The following AGRP variants were observed in gnomAD, a reference collection of about 807,000 sequenced individuals.
AGRP encodes agouti related neuropeptide.
AGRP carries 8 observed loss-of-function variants against 13.6 expected under a neutral mutation model. The observed-to-expected ratio is 0.59, with a 90% CI of 0.35 to 1.06. AGRP has a LOEUF of 1.06. AGRP is among the 50% of genes least tolerant of loss of function. AGRP has a pLI of 0.02. For missense variants in AGRP, 155 were observed against 174.8 expected (o/e 0.89, Z 0.64); for synonymous variants, 63 against 72.4 (o/e 0.87, Z 0.66).
Position 67,483,130 on chromosome 16 carries a change from G to A in AGRP, c.131-20C>T, listed in dbSNP as rs571830791. On this transcript the variant is annotated intron_variant, in intron 2 of 3. Transcript: ENST00000290953. ...CCAGGCCTGGGGCAGAGGATGTGAG[G>A]GCAGGAACCCCCATGCACAAAGCAC... 1 of 1,613,102 alleles carries A rather than the reference G, an allele frequency of 6.2e-7. No homozygotes were observed. The highest frequency in any genetic ancestry group is 2.2e-5 in the East Asian group (1 of 44,892).
In AGRP at chr16:67,482,574, G is replaced by T; in HGVS notation, c.*62C>A. The T allele has an allele frequency of 6.3e-7, 1 of 1,583,782 alleles. No individual in the cohort carries two copies. Among genetic ancestry groups the T allele is most frequent in the Non-Finnish European group, 8.7e-7 (1 of 1,153,994 alleles). On this transcript the variant is annotated 3_prime_UTR_variant, in exon 4 of 4. Transcript: ENST00000290953. ...TTGAAATAACCACAGCCTTGGGGTT[G>T]GTCCCATCCTTTATTCGAGTTTCCT...
At position 67,483,340 on chromosome 16, in the gene AGRP, C is replaced by T. The variant is rs1306915233; in HGVS notation, c.59G>A (p.Gly20Glu). Residue 20 changes from glycine (G) to glutamate (E), a missense_variant, in exon 2 of 4, where the codon GGA (glycine) becomes GAA (glutamate). Transcript: ENST00000290953. ...CATGGGGGCCAAGCCCATCTGGGCT[C>T]CTCGCGTGGCAGGCAGTGCCAGCAG... ...ALLLALPATR[G>E]AQMGLAPMEG... 1.3e-6 allele frequency: 2 copies of T among 1,558,172 alleles called. No homozygotes were observed. Among genetic ancestry groups the T allele is most frequent in the African/African-American group, 2.7e-5 (2 of 72,966 alleles).
chr16:67,483,494 C>T, intron 1 of AGRP, 23 bp downstream of exon 1: 1 of 1,344,644 alleles, frequency 7.4e-7, no homozygotes. Context: ...GAGGAGGAGT[C>T]CCTGCCCAAC....
At chr16:67,483,221 C>A (rs756598637) in intron 2 of AGRP, 48 bp downstream of exon 2, 4 of 1,590,986 alleles carry the variant, frequency 2.5e-6, no homozygotes, top group Non-Finnish European at 1.7e-6. Flanking sequence ...CTATTTGTGG[C>A]CAGAGGGTAT....
In AGRP at chr16:67,482,818, C is replaced by G. The variant is rs1256992616; in HGVS notation, c.217G>C (p.Val73Leu). The G allele has an allele frequency of 6.2e-7, 1 of 1,613,972 alleles. No individual in the cohort carries two copies. Among genetic ancestry groups the G allele is most frequent in the South Asian group, 1.1e-5 (1 of 91,078 alleles). Residue 73 changes from valine (V) to leucine (L), a missense_variant and splice_region_variant, in exon 4 of 4, where the codon GTA becomes CTA. Coordinates refer to ENST00000290953, the MANE Select transcript of AGRP (RefSeq NM_001138.2). Reference sequence around the variant, plus strand: ...GGCTCGCGGTCCTGCAGGTCTAGTACCTGCAGGGGTGGGGAACCAGCACAG... The same window carrying G: ...GGCTCGCGGTCCTGCAGGTCTAGTAGCTGCAGGGGTGGGGAACCAGCACAG... ...LLQEAQALAE[V>L]LDLQDREPRS...
chr16:67,483,515 A>C lies in AGRP; in HGVS notation c.-4+2T>G. The C allele has an allele frequency of 3.3e-6, 4 of 1,203,748 alleles. No individual in the cohort carries two copies. Among genetic ancestry groups the C allele is most frequent in the Non-Finnish European group, 4.4e-6 (4 of 912,454 alleles). 74.6% of individuals were successfully genotyped at this position (1,203,748 alleles called of 1,614,324 possible). A position where few individuals can be genotyped will look rare whatever the true frequency, so the allele number is the denominator to read the frequency against. On this transcript the variant is annotated splice_donor_variant, in intron 1 of 3. Coordinates refer to ENST00000290953, the MANE Select transcript of AGRP (RefSeq NM_001138.2). LOFTEE classifies it low-confidence loss of function (5UTR_SPLICE). ...GAGTCCCTGCCCAACCTGAGGACTC[A>C]CCTCTGCCTCCGGGATTCTTGCCTA... is the stretch of plus-strand genomic sequence containing the variant.
Position 67,483,301 on chromosome 16 carries a change from C to T in AGRP, c.98G>A (p.Arg33Lys). ...CTCTGGGAGCAGGGCCTGGTCAGGC[C>T]TTCTGATGCCCTCCATGGGGGCCAA... ...MGLAPMEGIR[R>K]PDQALLPELP... Residue 33 changes from arginine to lysine, a missense_variant, in exon 2 of 4, where the codon AGG becomes AAG. Arg to Lys is a conservative substitution (Grantham distance 26). Coordinates refer to ENST00000290953, the MANE Select transcript of AGRP (RefSeq NM_001138.2). 6.3e-7 allele frequency: 1 copy of T among 1,588,218 alleles called. No homozygotes were observed. The highest frequency in any genetic ancestry group is 8.6e-7 in the Non-Finnish European group (1 of 1,168,406).
intron 2 of AGRP, 75 bp downstream of exon 2, chr16:67,483,194 G>T (rs945898569): frequency 6.2e-7 from 1 of 1,607,980 alleles, no homozygotes; most frequent in Non-Finnish European, 8.5e-7. Context: ...GAGAAAGAGG[G>T]TTTATGCCAG....
In AGRP at chr16:67,482,678, G is replaced by T; in HGVS notation, c.357C>A (p.Cys119Ter). 1.2e-6 allele frequency: 2 copies of T among 1,614,080 alleles called. No homozygotes were observed. The highest frequency in any genetic ancestry group is 4.5e-5 in the East Asian group (2 of 44,902). ...YCRFFNAFCY[C>*]RKLGTAMNPC... ...GATTCATGGCAGTACCCAGCTTGCG[G>T]CAGTAGCAGAAGGCATTGAAGAAGC... Residue 119 changes from cysteine (C) to a stop codon, truncating the protein, a stop_gained, in exon 4 of 4, where the codon TGC becomes TGA. Coordinates refer to ENST00000290953, the MANE Select transcript of AGRP (RefSeq NM_001138.2). LOFTEE classifies it high-confidence loss of function.
rs1273458471 is a variant in AGRP, at chr16:67,482,638, A to G, written c.397T>C (p.Ter133GlnextTer17). 1.2e-6 allele frequency: 2 copies of G among 1,614,140 alleles called. No homozygotes were observed. The highest frequency in any genetic ancestry group is 2.2e-5 in the East Asian group (1 of 44,888). ...GTAMNPCSRT[*>Q] The stretch of plus-strand genomic sequence containing the variant: ...GCCCCGACCCTGACGTTGGCCAGCT[A>G]GGTGCGGCTGCAGGGATTCATGGCA... Residue 133 changes from the stop codon to glutamine (Q), a stop_lost, in exon 4 of 4, where the codon TAG becomes CAG. Coordinates refer to ENST00000290953, the MANE Select transcript of AGRP (RefSeq NM_001138.2).
chr16:67,482,798 G>A lies in AGRP; in HGVS notation c.237C>T (p.Arg79=), dbSNP rs145247710. 689 of 1,613,978 alleles carry A rather than the reference G, an allele frequency of 4.3e-4. No homozygotes were observed. Among genetic ancestry groups the A allele is most frequent in the Non-Finnish European group, 5.7e-4 (670 of 1,180,022 alleles). The change falls in exon 4 of 4, where the codon CGC becomes CGT. Residue 79 remains arginine, a synonymous_variant. Transcript: ENST00000290953. ...CGCAGCGACGTGAGGAGCGGGGCTC[G>A]CGGTCCTGCAGGTCTAGTACCTGCA... ...ALAEVLDLQD[R]EPRSSRRCVR... is the part of the protein sequence containing the mutation.
rs544461250 is a variant in AGRP, at chr16:67,482,582, C to T, written c.*54G>A. 7 of 1,603,292 alleles carry T rather than the reference C, an allele frequency of 4.4e-6. No homozygotes were observed. In the African/African-American group the frequency reaches 8.0e-5, roughly 18 times the overall value. On this transcript the variant is annotated 3_prime_UTR_variant, in exon 4 of 4. Coordinates refer to ENST00000290953, the MANE Select transcript of AGRP (RefSeq NM_001138.2). ...ACCACAGCCTTGGGGTTGGTCCCAT[C>T]CTTTATTCGAGTTTCCTTGCCCCTA...
In AGRP at chr16:67,482,704, G is replaced by C. The variant is rs1012110755; in HGVS notation, c.331C>G (p.Arg111Gly). 3 of 1,614,060 alleles carry C rather than the reference G, an allele frequency of 1.9e-6. No individual in the cohort carries two copies. Among genetic ancestry groups the C allele is most frequent in the Non-Finnish European group, 2.5e-6 (3 of 1,180,020 alleles). ...CCDPCATCYCRFFNAFCYCRK... is the reference protein window; with the variant it reads ...CCDPCATCYCGFFNAFCYCRK... ...CAGTAGCAGAAGGCATTGAAGAAGC[G>C]GCAGTAGCACGTGGCACATGGGTCA... The change falls in exon 4 of 4, where the codon CGC (arginine) becomes GGC (glycine). Residue 111 changes from arginine to glycine, a missense_variant. Transcript: ENST00000290953.
In AGRP at chr16:67,483,034, G is replaced by C. The variant is rs2041520951; in HGVS notation, c.207C>G (p.Ala69=). Reference sequence around the variant, plus strand: ...TTCCCTGAGCAGTTACCTCTGCCAAGGCCTGAGCCTCCTGCAACAGATCCT... The same window carrying C: ...TTCCCTGAGCAGTTACCTCTGCCAACGCCTGAGCCTCCTGCAACAGATCCT... ...AEEDLLQEAQ[A]LAEVLDLQDR... is the part of the protein sequence containing the mutation. Residue 69 remains alanine (A), a synonymous_variant, in exon 3 of 4, where the codon GCC becomes GCG. Coordinates refer to ENST00000290953, the MANE Select transcript of AGRP (RefSeq NM_001138.2). 1 of 1,614,074 alleles carries C rather than the reference G, an allele frequency of 6.2e-7. No homozygotes were observed. Among genetic ancestry groups the C allele is most frequent in the African/African-American group, 1.3e-5 (1 of 74,932 alleles).
chr16:67,482,733 C>G lies in AGRP; in HGVS notation c.302G>C (p.Cys101Ser). 1 of 1,614,246 alleles carries G rather than the reference C, an allele frequency of 6.2e-7. No individual in the cohort carries two copies. The highest frequency in any genetic ancestry group is 1.7e-5 in the Admixed American group (1 of 60,036). ...GTAGCACGTGGCACATGGGTCACAG[C>G]AAGGCACCTGCTGTCCCAGGCAGGA... ...HESCLGQQVPCCDPCATCYCR... is the reference protein window; with the variant it reads ...HESCLGQQVPSCDPCATCYCR... Residue 101 changes from cysteine (C) to serine (S), a missense_variant, in exon 4 of 4, where the codon TGC becomes TCC. By Grantham distance (112) the Cys-to-Ser change is moderately radical (BLOSUM62 -1). Coordinates refer to ENST00000290953, the MANE Select transcript of AGRP (RefSeq NM_001138.2).
At position 67,482,732 on chromosome 16, in the gene AGRP, G is replaced by A; in HGVS notation, c.303C>T (p.Cys101=). The change falls in exon 4 of 4, where the codon TGC becomes TGT. Residue 101 remains cysteine (C), a synonymous_variant. Coordinates refer to ENST00000290953, the MANE Select transcript of AGRP (RefSeq NM_001138.2). The part of the protein sequence containing the change: ...HESCLGQQVP[C]CDPCATCYCR... ...AGTAGCACGTGGCACATGGGTCACA[G>A]CAAGGCACCTGCTGTCCCAGGCAGG... 6.2e-7 allele frequency: 1 copy of A among 1,614,230 alleles called. No homozygotes were observed. The highest frequency in any genetic ancestry group is 8.5e-7 in the Non-Finnish European group (1 of 1,180,046).
rs1414719119 is a variant in AGRP, at chr16:67,482,687, G to C, written c.348C>G (p.Phe116Leu). ...ATCYCRFFNAFCYCRKLGTAM... is the reference protein window; with the variant it reads ...ATCYCRFFNALCYCRKLGTAM... ...CAGTACCCAGCTTGCGGCAGTAGCA[G>C]AAGGCATTGAAGAAGCGGCAGTAGC... Residue 116 changes from phenylalanine (F) to leucine (L), a missense_variant, in exon 4 of 4, where the codon TTC becomes TTG. Transcript: ENST00000290953. 13 of 1,614,080 alleles carry C rather than the reference G, an allele frequency of 8.1e-6. No homozygotes were observed. Among genetic ancestry groups the C allele is most frequent in the Non-Finnish European group, 1.0e-5 (12 of 1,180,038 alleles).
chr16:67,482,953 C>G lies in AGRP; in HGVS notation c.216+72G>C, dbSNP rs906371146. On this transcript the variant is annotated intron_variant, in intron 3 of 3. Transcript: ENST00000290953. ...TCGTCGCTGGTGAGGGAGTTTGGAGCTGGGGAGAGGAGCTAATACCCAATG... is the reference window on the plus strand; with the variant it reads ...TCGTCGCTGGTGAGGGAGTTTGGAGGTGGGGAGAGGAGCTAATACCCAATG... 8.9e-6 allele frequency: 14 copies of G among 1,571,892 alleles called. No homozygotes were observed. In the African/African-American group the frequency reaches 1.8e-4, roughly 20 times the overall value.
Position 67,482,705 on chromosome 16 carries a change from G to A in AGRP, c.330C>T (p.Cys110=), listed in dbSNP as rs757247762. 3.7e-6 allele frequency: 6 copies of A among 1,614,096 alleles called. No individual in the cohort carries two copies. Among genetic ancestry groups the A allele is most frequent in the Admixed American group, 3.3e-5 (2 of 59,998 alleles). The part of the protein sequence containing the change: ...PCCDPCATCY[C]RFFNAFCYCR... ...AGTAGCAGAAGGCATTGAAGAAGCG[G>A]CAGTAGCACGTGGCACATGGGTCAC... The change falls in exon 4 of 4, where the codon TGC becomes TGT. Residue 110 remains cysteine, a synonymous_variant. Transcript: ENST00000290953.
Sources: gnomAD v4.1 joint callset for allele counts on GRCh38, gnomAD v4.1.1 for gene constraint, MANE v1.5 for transcripts, NCBI Gene and HGNC (gene_info 2026-07-23, HGNC 2026-07-21) for gene names.